CMIP: variants seen among roughly 807,000 people sequenced by gnomAD.
CMIP encodes C-Maf-inducing protein.
Under a neutral mutation model 97.3 loss-of-function variants are expected in CMIP, and 13 were observed. The observed-to-expected ratio is 0.13, with a 90% CI of 0.09 to 0.21. The LOEUF is 0.21. Ranked by LOEUF, CMIP falls within the 10% of genes least tolerant of loss-of-function variation. The pLI, the probability that CMIP is intolerant of heterozygous loss-of-function variation, is 1.00. For missense variants in CMIP, 847 were observed against 1,024.9 expected, an observed-to-expected ratio of 0.83 and a Z score of 2.37; for synonymous variants, 538 against 436.3, an observed-to-expected ratio of 1.23 and a Z score of -2.91.
intron 1 of CMIP, among the ~76,000 whole-genome samples, chr16:81,533,332 A>G (rs1191976111): frequency 2.0e-5 from 3 of 152,218 alleles, no homozygotes; most frequent in African/African-American, 7.2e-5. Flanking sequence ...TGAATGAATC[A>G]TCAGTCAGTC....
intron 10 of CMIP, among the ~76,000 whole-genome samples, chr16:81,685,125 C>G (rs1335598713): frequency 6.6e-6 from 1 of 152,230 alleles, no homozygotes; most frequent in African/African-American, 2.4e-5. Flanking sequence ...CCAGCGCCCC[C>G]CATTCATCCA....
At chr16:81,658,164 C>G (rs971185379) in intron 5 of CMIP, among the ~76,000 whole-genome samples, 1 of 152,250 alleles carries the variant, frequency 6.6e-6, no homozygotes, top group Non-Finnish European at 1.5e-5. Flanking sequence ...GGTAAACGTT[C>G]TCTTTCTTGC....
chr16:81,468,956 C>A (rs1907366988), intron 1 of CMIP, among the ~76,000 whole-genome samples: 1 of 152,198 alleles, frequency 6.6e-6, no homozygotes. Flanking sequence ...GGACTTTGGA[C>A]TTCAACATGG....
intron 1 of CMIP, among the ~76,000 whole-genome samples, chr16:81,569,115 T>A (rs2091036999): frequency 6.6e-6 from 1 of 152,244 alleles, no homozygotes; most frequent in Non-Finnish European, 1.5e-5. Flanking sequence ...CTTTCCCTTC[T>A]GGGTGCATAA....
At chr16:81,584,884 T>C (rs553960054) in intron 1 of CMIP, among the ~76,000 whole-genome samples, 18 of 152,246 alleles carry the variant, frequency 1.2e-4, no homozygotes, top group African/African-American at 4.3e-4. Flanking sequence ...CCTCCATGAG[T>C]CAACTCCCCC....
At chr16:81,535,782 A>G (rs2090331531) in intron 1 of CMIP, among the ~76,000 whole-genome samples, 1 of 152,040 alleles carries the variant, frequency 6.6e-6, no homozygotes, top group African/African-American at 2.4e-5. Context: ...ACCATAAATT[A>G]CCGAGGTCAC....
chr16:81,589,608 A>G (rs1344217294), intron 1 of CMIP, among the ~76,000 whole-genome samples: 1 of 152,084 alleles, frequency 6.6e-6, no homozygotes, highest in Non-Finnish European at 1.5e-5. Flanking sequence ...GCAGGCATGC[A>G]TGGCAAGAAA....
chr16:81,474,466 C>T (rs1048631439), intron 1 of CMIP, among the ~76,000 whole-genome samples: 5 of 152,168 alleles, frequency 3.3e-5, no homozygotes, highest in Non-Finnish European at 7.4e-5. Flanking sequence ...TCGCACACTA[C>T]TTCTGCTTCA....
At chr16:81,471,848 C>A (rs1235073475) in intron 1 of CMIP, among the ~76,000 whole-genome samples, 1 of 152,220 alleles carries the variant, frequency 6.6e-6, no homozygotes, top group Non-Finnish European at 1.5e-5. Context: ...TGTGGACAAA[C>A]TGGACAGAGG....
intron 7 of CMIP, among the ~76,000 whole-genome samples, 192 bp from the exon 8 acceptor site, chr16:81,669,950 C>T (rs570069306): frequency 6.6e-6 from 1 of 152,214 alleles, no homozygotes; most frequent in Admixed American, 6.5e-5. Context: ...AGTGGAAGCG[C>T]GGGTGTCGCA....
intron 7 of CMIP, among the ~76,000 whole-genome samples, chr16:81,668,144 G>T (rs1048822006): frequency 1.3e-5 from 2 of 152,136 alleles, no homozygotes; most frequent in African/African-American, 4.8e-5. Flanking sequence ...CCTGATGCAG[G>T]CTGCTCTCCT....
At chr16:81,658,082 C>T (rs2092505427) in intron 5 of CMIP, among the ~76,000 whole-genome samples, 1 of 152,204 alleles carries the variant, frequency 6.6e-6, no homozygotes, top group Non-Finnish European at 1.5e-5. Flanking sequence ...TGCGTCTCTG[C>T]CTAGGGAGTT....
At chr16:81,493,556 C>T (rs2089439296) in intron 1 of CMIP, among the ~76,000 whole-genome samples, 1 of 152,244 alleles carries the variant, frequency 6.6e-6, no homozygotes, top group Admixed American at 6.5e-5. Context: ...GGCATCAGGA[C>T]AGCAGCCAGC....
At chr16:81,587,580 A>G (rs1167836920) in intron 1 of CMIP, among the ~76,000 whole-genome samples, 1 of 152,294 alleles carries the variant, frequency 6.6e-6, no homozygotes, top group East Asian at 1.9e-4. Context: ...TTACCAATGA[A>G]AAAACCAAAG....
intron 7 of CMIP, among the ~76,000 whole-genome samples, chr16:81,668,866 C>CCACCTCACACTGCCTTCCACACA (rs2092641549): frequency 6.6e-6 from 1 of 150,872 alleles, no homozygotes; most frequent in Admixed American, 6.6e-5. Flanking sequence ...CCTTCCACAC[C>CCACCTCACACTGCCTTCCACACA]CACCTCACAC....
In CMIP at chr16:81,655,425, C is replaced by T. The variant is rs965130091; in HGVS notation, c.640-2350C>T. 6.6e-6 allele frequency among the ~76,000 whole-genome samples: 1 copy of T among 152,188 alleles called. No homozygotes were observed. Among genetic ancestry groups the T allele is most frequent in the Non-Finnish European group, 1.5e-5 (1 of 68,030 alleles). ...ACCAGCAAAGCAAAGCTGGCTGTCC[C>T]CACCCTCCCAGGCCTTTGTTGAGTT... On this transcript the variant is annotated intron_variant, in intron 4 of 20. Transcript: ENST00000537098. This position sits in a 1 kb window ranked among gnomAD's most constrained non-coding sequence, Gnocchi z 4.9.
At chr16:81,611,297 G>C (rs1200266679) in intron 2 of CMIP, 2 of 152,234 alleles carry the variant, frequency 1.3e-5, no homozygotes, top group Non-Finnish European at 2.9e-5. Context: ...GCAGGCACCT[G>C]AGCCCCTCCT....
chr16:81,605,284 C>T (rs1280793515), intron 1 of CMIP, among the ~76,000 whole-genome samples: 11 of 152,114 alleles, frequency 7.2e-5, no homozygotes, highest in Non-Finnish European at 5.9e-5. Flanking sequence ...ACATGGCAGC[C>T]GCCGGGATTG....
chr16:81,486,968 A>G (rs1286804477), intron 1 of CMIP, among the ~76,000 whole-genome samples: 1 of 152,232 alleles, frequency 6.6e-6, no homozygotes, highest in African/African-American at 2.4e-5. Context: ...CGATAACCGC[A>G]CTGGGCGTTG....
Sources: allele counts gnomAD v4.1 joint callset (sites outside exome capture counted in the v4.1 genomes callset), GRCh38; gene constraint gnomAD v4.1.1; non-coding constraint Gnocchi (gnomAD v3.1); transcripts MANE v1.5; gene names NCBI Gene and HGNC (gene_info 2026-07-23, HGNC 2026-07-21).